Variants in TFDP2 observed in about 807,000 individuals in gnomAD.
TFDP2 encodes the protein transcription factor Dp-2 (E2F dimerization partner 2).
Under a neutral mutation model 59.3 loss-of-function variants are expected in TFDP2, and 17 were observed. The observed-to-expected ratio is 0.29, with a 90% confidence interval of 0.20 to 0.43. The LOEUF (loss-of-function observed/expected upper bound fraction) is 0.43, where lower values mean the gene tolerates loss of function less well. TFDP2 is among the 20% of genes least tolerant of loss of function. The pLI, the probability that TFDP2 is intolerant of heterozygous loss-of-function variation, is 1.00. For synonymous variants in TFDP2, 180 were observed against 194.7 expected (o/e 0.92, Z 0.63); for missense variants, 391 against 528.8 (o/e 0.74, Z 2.56).
chr3:142,110,515 A>G (rs1259900954), intron 1 of TFDP2, among the ~76,000 whole-genome samples: 2 of 151,646 alleles, frequency 1.3e-5, no homozygotes, highest in Non-Finnish European at 2.9e-5. Flanking sequence ...AAAAAAAAAC[A>G]AAAAAAAGCT....
At chr3:142,125,706 T>C (rs1367429638) in intron 1 of TFDP2, among the ~76,000 whole-genome samples, 3 of 152,200 alleles carry the variant, frequency 2.0e-5, no homozygotes, top group Non-Finnish European at 2.9e-5. Context: ...TAAAGAAGTA[T>C]GTGTAGTACA....
At chr3:142,012,791 T>G (rs1156993062) in intron 3 of TFDP2, among the ~76,000 whole-genome samples, 1 of 152,132 alleles carries the variant, frequency 6.6e-6, no homozygotes, top group African/African-American at 2.4e-5. Flanking sequence ...TTTTATACAT[T>G]TTATTATTTA....
intron 3 of TFDP2, among the ~76,000 whole-genome samples, chr3:142,016,710 T>A (rs1430371267): frequency 6.6e-6 from 1 of 152,200 alleles, no homozygotes; most frequent in Non-Finnish European, 1.5e-5. Flanking sequence ...ATTAAAATAT[T>A]GCTACTAGAA....
At chr3:142,006,073 C>T (rs1944185313) in intron 3 of TFDP2, among the ~76,000 whole-genome samples, 1 of 152,076 alleles carries the variant, frequency 6.6e-6, no homozygotes, top group Non-Finnish European at 1.5e-5. Flanking sequence ...AGAGAAAAAA[C>T]ATGGTGCTAA....
At chr3:141,965,145 G>C (rs913612021) in intron 9 of TFDP2, among the ~76,000 whole-genome samples, 1 of 149,958 alleles carries the variant, frequency 6.7e-6, no homozygotes. Context: ...ACTGTATGCA[G>C]TTCAAGTTTT....
At chr3:142,012,373 G>T (rs554114961) in intron 3 of TFDP2, among the ~76,000 whole-genome samples, 1 of 152,150 alleles carries the variant, frequency 6.6e-6, no homozygotes, top group Non-Finnish European at 1.5e-5. Context: ...TTGCCTAAGT[G>T]GCAAGCTAAT....
At chr3:141,986,807 A>C (rs376194729) in intron 6 of TFDP2, among the ~76,000 whole-genome samples, 12 of 152,158 alleles carry the variant, frequency 7.9e-5, no homozygotes, top group Non-Finnish European at 1.3e-4. Context: ...TGCCAAACTT[A>C]GCACTGTCTA....
At chr3:141,991,910 T>C (rs1272261525) in intron 6 of TFDP2, among the ~76,000 whole-genome samples, 3 of 151,578 alleles carry the variant, frequency 2.0e-5, no homozygotes, top group Non-Finnish European at 2.9e-5. Context: ...GGCATGGTGG[T>C]GCATGTCTGT....
intron 3 of TFDP2, among the ~76,000 whole-genome samples, chr3:142,080,404 C>G (rs566193784): frequency 2.8e-4 from 42 of 151,866 alleles, no homozygotes; most frequent in African/African-American, 7.7e-4. Flanking sequence ...ATCACCTTAA[C>G]TAAAAGGAAC....
At chr3:141,957,767 C>A (rs1272293096) in intron 11 of TFDP2, among the ~76,000 whole-genome samples, 7 of 152,130 alleles carry the variant, frequency 4.6e-5, no homozygotes, top group Admixed American at 2.6e-4. Context: ...CTAGAATAGG[C>A]AAATCCATAG....
chr3:141,993,736 T>A (rs1576617712), intron 5 of TFDP2, 151 bp from the exon 6 acceptor site: 2 of 469,592 alleles, frequency 4.3e-6, no homozygotes, highest in East Asian at 7.0e-5. Context: ...ATAAAATAAA[T>A]CTTAATTTTA....
At chr3:142,139,538 A>G (rs1225244524) in intron 1 of TFDP2, among the ~76,000 whole-genome samples, 4 of 152,112 alleles carry the variant, frequency 2.6e-5, no homozygotes, top group Non-Finnish European at 5.9e-5. Flanking sequence ...CACTTCCTTC[A>G]GGAGTTCTTG....
intron 6 of TFDP2, among the ~76,000 whole-genome samples, chr3:141,990,994 G>A (rs138935989): frequency 1.3e-3 from 193 of 151,900 alleles, no homozygotes; most frequent in African/African-American, 4.5e-3. Context: ...GGAAGCGTAA[G>A]TTGCAGCGAG....
intron 3 of TFDP2, among the ~76,000 whole-genome samples, chr3:142,057,151 C>T (rs73232653): frequency 0.084 from 12,773 of 152,232 alleles, 673 homozygotes; most frequent in Middle Eastern, 0.14. Context: ...ACAGCTGGGA[C>T]TGTCAGTCAT....
intron 3 of TFDP2, among the ~76,000 whole-genome samples, chr3:142,020,976 C>A (rs540079139): frequency 8.3e-6 from 1 of 120,258 alleles, no homozygotes; most frequent in South Asian, 3.3e-4. Context: ...CAAAGCAACA[C>A]CCTGTCTCAA....
At chr3:141,975,710 A>G (rs1940539964) in intron 7 of TFDP2, among the ~76,000 whole-genome samples, 1 of 150,786 alleles carries the variant, frequency 6.6e-6, no homozygotes, top group Non-Finnish European at 1.5e-5. Flanking sequence ...AAAAAAAAAA[A>G]GAAATCTTGA....
At chr3:141,998,288 T>C (rs1943464792) in intron 4 of TFDP2, among the ~76,000 whole-genome samples, 1 of 152,174 alleles carries the variant, frequency 6.6e-6, no homozygotes, top group South Asian at 2.1e-4. Context: ...GAGCCGGTCA[T>C]GCTTTCTAAC....
At chr3:142,046,543 G>C (rs1241760438) in intron 3 of TFDP2, among the ~76,000 whole-genome samples, 1 of 150,572 alleles carries the variant, frequency 6.6e-6, no homozygotes, top group African/African-American at 2.5e-5. Context: ...ATGGGAGGGA[G>C]AAAAAGAGCC....
chr3:142,092,992 T>C lies in TFDP2; in HGVS notation c.82+69A>G, dbSNP rs780106599. The stretch of plus-strand genomic sequence containing the variant: ...TTATACATAAAGTAATTCATGTAGC[T>C]GCATATTTTACAAAACAAATGCAAT... On this transcript the variant is annotated intron_variant, in intron 3 of 12. Transcript: ENST00000489671. 291 of 1,027,802 alleles carry C rather than the reference T, an allele frequency of 2.8e-4. 1 individual carries two copies. The Middle Eastern group carries it at 6.1e-3, about 22-fold the overall frequency. 63.7% of individuals were successfully genotyped at this position (1,027,802 alleles called of 1,614,324 possible). A position where few individuals can be genotyped will look rare whatever the true frequency, so the allele number is the denominator to read the frequency against.
Sources: gnomAD v4.1 joint callset for allele counts (sites outside exome capture counted in the v4.1 genomes callset) on GRCh38, gnomAD v4.1.1 for gene constraint, MANE v1.5 for transcripts, NCBI Gene and HGNC (gene_info 2026-07-23, HGNC 2026-07-21) for gene names.